The following PRAMEF19 variants were observed in gnomAD, a reference collection of about 807,000 sequenced individuals.
PRAMEF19 encodes PRAME family member 19.
A neutral mutation model predicts 33.1 loss-of-function variants in PRAMEF19; 21 were observed. The ratio of observed to expected loss-of-function variants is 0.63; its 90% CI spans 0.45 to 0.91. The LOEUF (loss-of-function observed/expected upper bound fraction) is 0.91, where lower values mean the gene tolerates loss of function less well. Among genes scored for constraint, PRAMEF19 ranks in the 40% least tolerant of loss-of-function variants. The pLI is 0.00. For missense variants in PRAMEF19, 481 were observed against 585.2 expected (o/e 0.82, Z 1.84); for synonymous variants, 179 against 229.3 (o/e 0.78, Z 1.98).
downstream of PRAMEF19, among the ~76,000 whole-genome samples, chr1:13,368,466 C>A (rs1333775216): frequency 1.3e-5 from 2 of 152,026 alleles, no homozygotes; most frequent in African/African-American, 2.4e-5. Flanking sequence ...TTATTTCCTG[C>A]GGATGAACTT....
upstream of PRAMEF19, chr1:13,371,908 A>C: frequency 6.2e-7 from 1 of 1,611,990 alleles, no homozygotes; most frequent in Non-Finnish European, 8.5e-7. Flanking sequence ...CATCCTGATA[A>C]ATCTGCAAGA....
exon 3 of PRAMEF19, chr1:13,369,223 C>T (rs1475280684): frequency 3.5e-5 from 57 of 1,611,888 alleles, no homozygotes; most frequent in Non-Finnish European, 4.3e-5. Flanking sequence ...GGGTGAGGAG[C>T]TCCGAAATGA....
chr1:13,369,698 A>C, intron 2 of PRAMEF19, 58 bp from the exon 3 acceptor site: 2 of 1,608,138 alleles, frequency 1.2e-6, no homozygotes, highest in Non-Finnish European at 1.7e-6. Flanking sequence ...ACGGTGGTAG[A>C]AAATAACGTC....
At chr1:13,371,935 A>G (rs1470319762), upstream of PRAMEF19, 23 of 1,611,950 alleles carry the variant, frequency 1.4e-5, no homozygotes, top group Non-Finnish European at 1.9e-5. Context: ...CAGAGAAAAG[A>G]CAAACTTATC....
In PRAMEF19 at chr1:13,370,540, T is replaced by C. The variant is rs1437581574; in HGVS notation, c.866+109A>G. On this transcript the variant is annotated intron_variant, in intron 2 of 2. Coordinates refer to ENST00000376101, the Ensembl canonical transcript of PRAMEF19. ...AGGACAATGCATTCTAGTATCCCCTTCCCTGGACATCTCCAGTGGCTGGCA... is the reference window on the plus strand; with the variant it reads ...AGGACAATGCATTCTAGTATCCCCTCCCCTGGACATCTCCAGTGGCTGGCA... The C allele has an allele frequency of 2.8e-6, 4 of 1,422,716 alleles. No homozygotes were observed. In the African/African-American group the frequency reaches 5.6e-5, roughly 20 times the overall value. 88.1% of individuals were successfully genotyped at this position (1,422,716 alleles called of 1,614,324 possible). A position where few individuals can be genotyped will look rare whatever the true frequency, so the allele number is the denominator to read the frequency against.
chr1:13,368,484 A>C (rs1640627117), downstream of PRAMEF19, among the ~76,000 whole-genome samples: 1 of 152,376 alleles, frequency 6.6e-6, no homozygotes, highest in Non-Finnish European at 1.5e-5. Flanking sequence ...CTTAAATCAC[A>C]GATGAACTAG....
At chr1:13,371,054 C>A in exon 2 of PRAMEF19, 1 of 1,612,080 alleles carries the variant, frequency 6.2e-7, no homozygotes, top group Non-Finnish European at 8.5e-7. Flanking sequence ...TTCCTTGAGG[C>A]AAACATCCAT....
In PRAMEF19 at chr1:13,369,203, G is replaced by T. The variant is rs770915232; in HGVS notation, c.1304C>A (p.Ala435Asp). 32 of 1,611,908 alleles carry T rather than the reference G, an allele frequency of 2.0e-5. No homozygotes were observed. The South Asian group carries it at 3.5e-4, about 18-fold the overall frequency. The stretch of plus-strand genomic sequence containing the variant: ...TTCCCTCAGTATACGCATCAGCTCA[G>T]CCTGAAGTGGGGTGAGGAGCTCCGA... Residue 435 changes from alanine (A) to aspartate (D), a missense_variant, in exon 3 of 3, where the codon GCT becomes GAT. By Grantham distance (126) the Ala-to-Asp change is moderately radical (BLOSUM62 -2). This residue lies in a region of PRAMEF19 where 392 missense variants were observed against 397.5 expected (regional missense o/e 0.99). Coordinates refer to ENST00000376101, the Ensembl canonical transcript of PRAMEF19.
chr1:13,368,460 T>A (rs1412941083), downstream of PRAMEF19, among the ~76,000 whole-genome samples: 311 of 152,354 alleles, frequency 2.0e-3, 3 homozygotes, highest in African/African-American at 7.2e-3. Context: ...ATTCCTTTAT[T>A]TCCTGCGGAT....
chr1:13,368,972 T>C (rs1640633379), downstream of PRAMEF19: 11 of 1,535,398 alleles, frequency 7.2e-6, no homozygotes, highest in Non-Finnish European at 9.7e-6. Flanking sequence ...AGCTGTAAAA[T>C]TGTAAAATAA....
upstream of PRAMEF19, chr1:13,371,943 A>C (rs2100386170): frequency 1.2e-6 from 2 of 1,611,850 alleles, no homozygotes; most frequent in East Asian, 4.5e-5. Context: ...AGACAAACTT[A>C]TCAGGCCAGT....
exon 3 of PRAMEF19, chr1:13,369,231 T>C (rs1640637505): frequency 5.6e-6 from 9 of 1,611,998 alleles, no homozygotes; most frequent in African/African-American, 1.3e-5. Context: ...AGCTCCGAAA[T>C]GACACGACCC....
chr1:13,369,057 C>G, downstream of PRAMEF19: 3 of 1,611,848 alleles, frequency 1.9e-6, no homozygotes, highest in South Asian at 3.3e-5. Flanking sequence ...CTTTTTATAC[C>G]TCCACCCCAC....
intron 2 of PRAMEF19, 105 bp downstream of exon 2, chr1:13,370,543 CT>C: frequency 2.8e-6 from 4 of 1,451,016 alleles, no homozygotes; most frequent in Non-Finnish European, 3.8e-6. Context: ...ATCCCCTTCC[CT>C]GGACATCTCC....
rs750390378 is a variant in PRAMEF19 at position 13,369,485 on chromosome 1, C to T, written c.1022G>A (p.Arg341Gln). The change falls in exon 3 of 3, where the codon CGA (arginine) becomes CAA (glutamine). Residue 341 changes from arginine (R) to glutamine (Q), a missense_variant. Transcript: ENST00000376101. ...GGCAGCAACTTTCTCTAGCAGAGCTCGGAGGGGCTCAAGACGGATGAAGCG... is the reference window on the plus strand; with the variant it reads ...GGCAGCAACTTTCTCTAGCAGAGCTTGGAGGGGCTCAAGACGGATGAAGCG... The T allele has an allele frequency of 2.2e-5, 35 of 1,613,840 alleles. No homozygotes were observed. Among genetic ancestry groups the T allele is most frequent in the Non-Finnish European group, 2.9e-5 (34 of 1,179,856 alleles).
chr1:13,370,704 T>C, exon 2 of PRAMEF19: 2 of 1,613,920 alleles, frequency 1.2e-6, no homozygotes, highest in Non-Finnish European at 1.7e-6. Flanking sequence ...ATATAAAGCA[T>C]CTGGAGGTAC....
At chr1:13,370,839 G>T in exon 2 of PRAMEF19, 1 of 1,613,928 alleles carries the variant, frequency 6.2e-7, no homozygotes, top group Non-Finnish European at 8.5e-7. Context: ...CTCAGGTAAC[G>T]GCTAACCTCT....
chr1:13,371,754 G>A (rs1421634466), exon 1 of PRAMEF19: 12 of 1,609,996 alleles, frequency 7.5e-6, no homozygotes, highest in Non-Finnish European at 1.0e-5. Flanking sequence ...TCAGAACCTC[G>A]CAGCATCTGC....
At chr1:13,369,591 C>G in exon 3 of PRAMEF19, 1 of 1,613,928 alleles carries the variant, frequency 6.2e-7, no homozygotes, top group Non-Finnish European at 8.5e-7. Flanking sequence ...TCCTCTTCAT[C>G]TAGGGAGCCA....
Sources: gnomAD v4.1 joint callset for allele counts (sites outside exome capture counted in the v4.1 genomes callset) on GRCh38, gnomAD v4.1.1 for gene constraint, gnomAD v4.1.1 regional missense constraint, MANE v1.5 for transcripts, NCBI Gene and HGNC (gene_info 2026-07-23, HGNC 2026-07-21) for gene names.